The following CPA3 variants were observed in gnomAD, a reference collection of about 807,000 sequenced individuals.
CPA3 encodes the protein carboxypeptidase A3.
CPA3 carries 52 observed loss-of-function variants against 55.8 expected under a neutral mutation model. That is an observed-to-expected ratio of 0.93 (90% CI 0.75 to 1.17). The LOEUF (loss-of-function observed/expected upper bound fraction) is 1.17, where lower values mean the gene tolerates loss of function less well. Among genes scored for constraint, CPA3 ranks in the 50% most tolerant of loss-of-function variants. The pLI, the probability that CPA3 is intolerant of heterozygous loss-of-function variation, is 0.00. For synonymous variants in CPA3, 179 were observed against 171.2 expected (o/e 1.05, Z -0.36); for missense variants, 547 against 509.1 (o/e 1.07, Z -0.72).
chr3:148,881,283 C>T (rs968125434), intron 6 of CPA3, among the ~76,000 whole-genome samples: 1 of 152,068 alleles, frequency 6.6e-6, no homozygotes, highest in Non-Finnish European at 1.5e-5. Flanking sequence ...CTATAAGTCT[C>T]GATAATTAAA....
chr3:148,865,331 T>G lies in CPA3; in HGVS notation c.24T>G (p.Gly8=). 6.2e-7 allele frequency: 1 copy of G among 1,614,144 alleles called. No individual in the cohort carries two copies. Among genetic ancestry groups the G allele is most frequent in the Non-Finnish European group, 8.5e-7 (1 of 1,180,008 alleles). MRLILPV[G]LIATTLAIAP... ...CCATGAGGCTCATCCTGCCTGTGGG[T>G]TTGATTGCTACCACTCTTGCAATTG... Residue 8 remains glycine, a synonymous_variant, in exon 1 of 11, where the codon GGT becomes GGG. Coordinates refer to ENST00000296046, the MANE Select transcript of CPA3 (RefSeq NM_001870.4).
chr3:148,889,273 GT>G (rs1232231794), intron 10 of CPA3, among the ~76,000 whole-genome samples: 1 of 152,090 alleles, frequency 6.6e-6, no homozygotes, highest in African/African-American at 2.4e-5. Flanking sequence ...TGTGATTAAA[GT>G]TTAGTCATTC....
At chr3:148,881,021 C>G (rs1714347902) in intron 6 of CPA3, among the ~76,000 whole-genome samples, 1 of 151,658 alleles carries the variant, frequency 6.6e-6, no homozygotes. Flanking sequence ...AAATTTCAGT[C>G]AGATATAGAA....
At position 148,896,835 on chromosome 3, in the gene CPA3, C is replaced by T; in HGVS notation, c.*128C>T. On this transcript the variant is annotated 3_prime_UTR_variant, in exon 11 of 11. Transcript: ENST00000296046. The stretch of plus-strand genomic sequence containing the variant: ...AATCCTTCTCTTGCTCATTTAAGTC[C>T]CATGTTACTGCTGTTTGCTTTTACT... 1 of 758,982 alleles carries T rather than the reference C, an allele frequency of 1.3e-6. No homozygotes were observed. The highest frequency in any genetic ancestry group is 3.3e-5 in the South Asian group (1 of 30,108). The allele number at this position is 758,982 out of a possible 1,614,324, so 47.0% of individuals were successfully genotyped here. A position where few individuals can be genotyped will look rare whatever the true frequency, so the allele number is the denominator to read the frequency against.
At position 148,865,462 on chromosome 3, in the gene CPA3, C is replaced by A. The variant is rs575412448; in HGVS notation, c.69-11C>A. 17 of 1,611,970 alleles carry A rather than the reference C, an allele frequency of 1.1e-5. No individual in the cohort carries two copies. Among genetic ancestry groups the A allele is most frequent in the Non-Finnish European group, 1.4e-5 (17 of 1,179,342 alleles). ...CAGTTCACTTTTTTTTTTTCATTTG[C>A]CTCCACAAAGGGAGAAGGTGTTCCG... On this transcript the variant is annotated splice_polypyrimidine_tract_variant and intron_variant, in intron 1 of 10. Transcript: ENST00000296046.
intron 2 of CPA3, among the ~76,000 whole-genome samples, chr3:148,867,307 C>A (rs1713928638): frequency 6.6e-6 from 1 of 152,220 alleles, no homozygotes; most frequent in African/African-American, 2.4e-5. Context: ...GACGTCTCTT[C>A]TGTTCATCAA....
rs147335305 is a variant in CPA3, at chr3:148,885,313, T to C, written c.982-780T>C. On this transcript the variant is annotated intron_variant, in intron 9 of 10. Coordinates refer to ENST00000296046, the MANE Select transcript of CPA3 (RefSeq NM_001870.4). The stretch of plus-strand genomic sequence containing the variant: ...GAAAAATAATGTATATTTTATATTT[T>C]AGAAGAAAGGAATGAGGAGAGAGAG... Among the ~76,000 whole-genome samples, 568 of 151,558 alleles carry C rather than the reference T, an allele frequency of 3.7e-3. 2 individuals carry two copies. Among genetic ancestry groups the C allele is most frequent in the African/African-American group, 0.013 (548 of 41,326 alleles).
rs757757739 is a variant in CPA3, at chr3:148,886,213, CT to C, written c.1066+37del. On this transcript the variant is annotated intron_variant, in intron 10 of 10. Transcript: ENST00000296046. ...CCTCTTATTTACTGAGCCCTTTTCCCTAATTATTTTTTACAAATATTAAAGA... is the reference window on the plus strand; with the variant it reads ...CCTCTTATTTACTGAGCCCTTTTCCCAATTATTTTTTACAAATATTAAAGA... The C allele has an allele frequency of 5.7e-5, 81 of 1,419,290 alleles. 1 individual carries two copies. Among genetic ancestry groups the C allele is most frequent in the Non-Finnish European group, 6.5e-5 (67 of 1,028,942 alleles). The allele number at this position is 1,419,290 out of a possible 1,614,324, so 87.9% of individuals were successfully genotyped here.
intron 5 of CPA3, 68 bp from the exon 6 acceptor site, chr3:148,879,720 T>A: frequency 1.0e-6 from 1 of 1,004,096 alleles, no homozygotes; most frequent in Middle Eastern, 2.1e-4. Flanking sequence ...TATGAATGAG[T>A]TATTGGTCAA....
Position 148,878,424 on chromosome 3 carries a change from A to C in CPA3, c.270-17A>C. On this transcript the variant is annotated splice_polypyrimidine_tract_variant and intron_variant, in intron 3 of 10. Transcript: ENST00000296046. ...CTCATGATAAAACATGTATTTTATC[A>C]TTCCCCTGTCAAACAGAATCTTGAT... The C allele has an allele frequency of 6.6e-7, 1 of 1,513,722 alleles. No homozygotes were observed. Among genetic ancestry groups the C allele is most frequent in the Non-Finnish European group, 9.2e-7 (1 of 1,088,896 alleles). The allele number at this position is 1,513,722 out of a possible 1,614,324, so 93.8% of individuals were successfully genotyped here.
chr3:148,883,515 C>T, intron 8 of CPA3, 98 bp from the exon 9 acceptor site: 3 of 1,008,496 alleles, frequency 3.0e-6, no homozygotes, highest in South Asian at 1.5e-5. Flanking sequence ...GAGGCAAAAA[C>T]ATTTAAAACA....
At chr3:148,872,143 T>A (rs1477378421) in intron 3 of CPA3, among the ~76,000 whole-genome samples, 1 of 152,212 alleles carries the variant, frequency 6.6e-6, no homozygotes, top group Non-Finnish European at 1.5e-5. Context: ...TAAAGTAGCA[T>A]ACTTGTTTCT....
rs377599435 is a variant in CPA3, at chr3:148,869,056, T to C, written c.269+17T>C. The C allele has an allele frequency of 3.7e-6, 6 of 1,607,126 alleles. No homozygotes were observed. In the African/African-American group the frequency reaches 6.7e-5, roughly 18 times the overall value. On this transcript the variant is annotated intron_variant, in intron 3 of 10. Coordinates refer to ENST00000296046, the MANE Select transcript of CPA3 (RefSeq NM_001870.4). ...GCACTATGAGTAAGTCCTTGGCAAA[T>C]ATTGAAATTTGTTGGATATTCAAAG...
Position 148,896,523 on chromosome 3 carries a change from C to G in CPA3, c.1070C>G (p.Pro357Arg). The stretch of plus-strand genomic sequence containing the variant: ...ATTTACTGCTTGTGTTTTACAGACC[C>G]GATATCAGGTTCTTCTTTAGACTGG... ...IYGPIESTIY[P>R]ISGSSLDWAY... is the part of the protein sequence containing the mutation. The change falls in exon 11 of 11, where the codon CCG becomes CGG. Residue 357 changes from proline to arginine, a missense_variant. Pro to Arg is a moderately radical substitution (Grantham distance 103). Transcript: ENST00000296046. 6.6e-7 allele frequency: 1 copy of G among 1,509,382 alleles called. No individual in the cohort carries two copies. Among genetic ancestry groups the G allele is most frequent in the South Asian group, 1.3e-5 (1 of 74,968 alleles). The allele number at this position is 1,509,382 out of a possible 1,614,324, so 93.5% of individuals were successfully genotyped here. A position where few individuals can be genotyped will look rare whatever the true frequency, so the allele number is the denominator to read the frequency against.
chr3:148,876,203 AAT>A (rs35546621), intron 3 of CPA3, among the ~76,000 whole-genome samples: 81,311 of 150,028 alleles, frequency 0.54, 22,617 homozygotes, highest in Middle Eastern at 0.62. Context: ...AAACTGGTAA[AAT>A]ATATATATAT....
At position 148,881,641 on chromosome 3, in the gene CPA3, C is replaced by G. The variant is rs769720859; in HGVS notation, c.687+9C>G. The stretch of plus-strand genomic sequence containing the variant: ...TTTGGTCATGGACAAAGGTACTGCT[C>G]TCTACTCTCTTGTTTGCATTTAGAT... On this transcript the variant is annotated intron_variant, in intron 7 of 10. Coordinates refer to ENST00000296046, the MANE Select transcript of CPA3 (RefSeq NM_001870.4). 35 of 1,536,284 alleles carry G rather than the reference C, an allele frequency of 2.3e-5. No individual in the cohort carries two copies. The highest frequency in any genetic ancestry group is 3.0e-5 in the Non-Finnish European group (33 of 1,114,560).
In CPA3 at chr3:148,878,450, T is replaced by A. The variant is rs768364468; in HGVS notation, c.279T>A (p.Ile93=). ...TTCCCCTGTCAAACAGAATCTTGAT[T>A]CATGATCTACAAGAAGAGATTGAGA... is the stretch of plus-strand genomic sequence containing the variant. ...DQNKMHYEIL[I]HDLQEEIEKQ... is the part of the protein sequence containing the mutation. The change falls in exon 4 of 11, where the codon ATT becomes ATA. Residue 93 remains isoleucine (I), a synonymous_variant. Transcript: ENST00000296046. The A allele has an allele frequency of 1.3e-5, 21 of 1,606,462 alleles. No homozygotes were observed. The highest frequency in any genetic ancestry group is 1.6e-5 in the Non-Finnish European group (19 of 1,173,236).
At chr3:148,880,914 C>CA (rs1374567944) in intron 6 of CPA3, among the ~76,000 whole-genome samples, 2 of 151,972 alleles carry the variant, frequency 1.3e-5, no homozygotes, top group Admixed American at 6.6e-5. Flanking sequence ...CACAGGTCTA[C>CA]AAAAAATCTT....
At chr3:148,872,379 T>C (rs1264371540) in intron 3 of CPA3, among the ~76,000 whole-genome samples, 1 of 152,212 alleles carries the variant, frequency 6.6e-6, no homozygotes, top group African/African-American at 2.4e-5. Context: ...GTCTTTTCTT[T>C]GATCAAAGGT....
Sources: gnomAD v4.1 joint callset for allele counts (sites outside exome capture counted in the v4.1 genomes callset) on GRCh38, gnomAD v4.1.1 for gene constraint, MANE v1.5 for transcripts, NCBI Gene and HGNC (gene_info 2026-07-23, HGNC 2026-07-21) for gene names.